Variants in TBC1D23 observed in about 807,000 individuals in gnomAD.
TBC1D23 encodes the protein TBC1 domain family member 23.
TBC1D23 carries 55 observed loss-of-function variants against 91.4 expected under a neutral mutation model. That is an observed-to-expected ratio of 0.60 (90% CI 0.48 to 0.75). The LOEUF is 0.75. Ranked by LOEUF, TBC1D23 falls within the 30% of genes least tolerant of loss-of-function variation. The pLI is 0.00. For synonymous variants in TBC1D23, 289 were observed against 281.0 expected (o/e 1.03, Z -0.28); for missense variants, 725 against 836.1 (o/e 0.87, Z 1.64).
intron 9 of TBC1D23, among the ~76,000 whole-genome samples, chr3:100,298,258 G>A (rs1004422070): frequency 6.6e-6 from 1 of 151,076 alleles, no homozygotes; most frequent in Non-Finnish European, 1.5e-5. Context: ...ATTAATTATT[G>A]TTGACATTCT....
intron 4 of TBC1D23, among the ~76,000 whole-genome samples, chr3:100,284,574 CA>C (rs1034312221): frequency 2.0e-5 from 3 of 151,956 alleles, no homozygotes; most frequent in African/African-American, 7.3e-5. Context: ...ATAATGGGGG[CA>C]ACCTAACTTA....
Position 100,283,742 on chromosome 3 carries a change from TGCATCTTCAACTGCCAC to T in TBC1D23, c.411_427del (p.His137GlnfsTer13). ...TGGATACATCTACTGAAACCATTGG[TGCATCTTCAACTGCCAC>T]GCAGCGATTTATACAACTGCTTTTA... is the stretch of plus-strand genomic sequence containing the variant. On this transcript the variant is annotated frameshift_variant, in exon 4 of 19. Transcript: ENST00000394144. LOFTEE classifies it high-confidence loss of function. 6.2e-7 allele frequency: 1 copy of T among 1,613,482 alleles called. No homozygotes were observed. The highest frequency in any genetic ancestry group is 8.5e-7 in the Non-Finnish European group (1 of 1,179,404).
chr3:100,299,578 C>T (rs1271997562), intron 10 of TBC1D23, among the ~76,000 whole-genome samples: 2 of 152,110 alleles, frequency 1.3e-5, no homozygotes, highest in African/African-American at 2.4e-5. Flanking sequence ...GGTGCGATCT[C>T]GGCTCACTGC....
At chr3:100,314,348 G>A (rs988313872) in intron 15 of TBC1D23, among the ~76,000 whole-genome samples, 6 of 151,804 alleles carry the variant, frequency 4.0e-5, no homozygotes, top group Non-Finnish European at 7.4e-5. Context: ...TGCCCACCTC[G>A]GATCTTTCGG....
intron 8 of TBC1D23, 124 bp from the exon 9 acceptor site, chr3:100,297,796 TAAG>T (rs1705331015): frequency 1.4e-6 from 1 of 722,924 alleles, no homozygotes; most frequent in African/African-American, 1.9e-5. Context: ...TATGTAGTAT[TAAG>T]TTTTAAAAAA....
chr3:100,269,164 G>T (rs1355001338), intron 1 of TBC1D23, among the ~76,000 whole-genome samples: 1 of 152,162 alleles, frequency 6.6e-6, no homozygotes, highest in Non-Finnish European at 1.5e-5. Context: ...TGCATACAAT[G>T]ATGAAATACT....
intron 15 of TBC1D23, among the ~76,000 whole-genome samples, chr3:100,312,368 AG>A (rs1285728598): frequency 6.6e-6 from 1 of 152,186 alleles, no homozygotes; most frequent in Non-Finnish European, 1.5e-5. Flanking sequence ...GTATGTATAT[AG>A]GTTGAGTTAG....
intron 1 of TBC1D23, among the ~76,000 whole-genome samples, chr3:100,262,782 CTATT>C (rs1306821574): frequency 4.8e-5 from 7 of 145,272 alleles, no homozygotes; most frequent in Admixed American, 6.8e-5. Context: ...TTTTAATAAT[CTATT>C]TAACATATTT....
chr3:100,261,044 C>A lies in TBC1D23; in HGVS notation c.26C>A (p.Pro9Gln). Residue 9 changes from proline to glutamine, a missense_variant, in exon 1 of 19, where the codon CCG becomes CAG. Coordinates refer to ENST00000394144, the MANE Select transcript of TBC1D23 (RefSeq NM_001199198.3). ...ATGGCGGAAGGAGAAGATGTGCCGC[C>A]GCTGCCAACGTCGAGCGGCGACGGC... is the stretch of plus-strand genomic sequence containing the variant. MAEGEDVP[P>Q]LPTSSGDGWE... 3 of 1,614,090 alleles carry A rather than the reference C, an allele frequency of 1.9e-6. No homozygotes were observed. The highest frequency in any genetic ancestry group is 1.3e-5 in the African/African-American group (1 of 75,074).
At chr3:100,269,152 A>AACCTCCCAAG (rs2067581108) in intron 1 of TBC1D23, among the ~76,000 whole-genome samples, 1 of 152,190 alleles carries the variant, frequency 6.6e-6, no homozygotes, top group Non-Finnish European at 1.5e-5. Flanking sequence ...CCTTTTGCCT[A>AACCTCCCAAG]TTGCATACAA....
chr3:100,308,202 A>C (rs182964159), intron 13 of TBC1D23, among the ~76,000 whole-genome samples: 35 of 152,334 alleles, frequency 2.3e-4, no homozygotes, highest in Non-Finnish European at 3.5e-4. Flanking sequence ...TAGGCCGGGC[A>C]CAGTGGCTCA....
chr3:100,306,244 GGAA>G (rs1027260328), intron 12 of TBC1D23, among the ~76,000 whole-genome samples, 190 bp from the exon 13 acceptor site: 7 of 152,176 alleles, frequency 4.6e-5, no homozygotes, highest in Non-Finnish European at 1.0e-4. Context: ...GGTTTTAGAA[GGAA>G]GAATAGGAAG....
chr3:100,309,224 C>T (rs1162631678), intron 13 of TBC1D23, among the ~76,000 whole-genome samples: 1 of 152,148 alleles, frequency 6.6e-6, no homozygotes, highest in African/African-American at 2.4e-5. Flanking sequence ...GCATCTCTTA[C>T]ATTTGGTACA....
In TBC1D23 at chr3:100,281,757, G is replaced by T; in HGVS notation, c.181G>T (p.Ala61Ser). ...TTTCTTCCAGATTGCTCTGAATGTT[G>T]CAGGAAAAGGTGATAGTTTGGCATC... ...AKVWKIALNVAGKGDSLASWD... is the reference protein window; with the variant it reads ...AKVWKIALNVSGKGDSLASWD... Residue 61 changes from alanine to serine, a missense_variant, in exon 3 of 19, where the codon GCA (alanine) becomes TCA (serine). Transcript: ENST00000394144. 2 of 1,611,070 alleles carry T rather than the reference G, an allele frequency of 1.2e-6. No homozygotes were observed. The highest frequency in any genetic ancestry group is 1.7e-6 in the Non-Finnish European group (2 of 1,177,804).
chr3:100,318,765 C>T (rs1421213329), intron 16 of TBC1D23, among the ~76,000 whole-genome samples: 1 of 151,824 alleles, frequency 6.6e-6, no homozygotes, highest in Non-Finnish European at 1.5e-5. Flanking sequence ...ATTCTCATGC[C>T]TCAGCCTCCC....
intron 16 of TBC1D23, 123 bp downstream of exon 16, chr3:100,316,310 G>A (rs188692508): frequency 2.8e-6 from 2 of 716,528 alleles, no homozygotes; most frequent in East Asian, 5.4e-5. Flanking sequence ...AATAATTGGA[G>A]AATCTGTGGC....
At chr3:100,313,727 TATAATC>T (rs1271800485) in intron 15 of TBC1D23, among the ~76,000 whole-genome samples, 1 of 152,092 alleles carries the variant, frequency 6.6e-6, no homozygotes, top group Non-Finnish European at 1.5e-5. Flanking sequence ...GGAGAAAACT[TATAATC>T]TAATCTATAT....
intron 17 of TBC1D23, 81 bp from the exon 18 acceptor site, chr3:100,320,696 T>G (rs1705839435): frequency 1.2e-6 from 1 of 802,026 alleles, no homozygotes; most frequent in African/African-American, 1.8e-5. Context: ...TTTCTAATAA[T>G]TGAGATGGTT....
intron 16 of TBC1D23, among the ~76,000 whole-genome samples, chr3:100,317,248 G>T (rs530029581): frequency 6.6e-6 from 1 of 152,040 alleles, no homozygotes; most frequent in Admixed American, 6.6e-5. Context: ...ATATATAAAT[G>T]TACAGAATGA....
Sources: gnomAD v4.1 joint callset for allele counts (sites outside exome capture counted in the v4.1 genomes callset) on GRCh38, gnomAD v4.1.1 for gene constraint, MANE v1.5 for transcripts, NCBI Gene and HGNC (gene_info 2026-07-23, HGNC 2026-07-21) for gene names.